The following B3GALT1 variants were observed in gnomAD, a reference collection of about 807,000 sequenced individuals.
B3GALT1 encodes UDP-Gal:betaGlcNAc beta 1,3-galactosyltransferase, polypeptide 1.
B3GALT1 carries 10 observed loss-of-function variants against 23.2 expected under a neutral mutation model. That is an observed-to-expected ratio of 0.43 (90% CI 0.27 to 0.73). The LOEUF (loss-of-function observed/expected upper bound fraction) is 0.73, where lower values mean the gene tolerates loss of function less well. B3GALT1 is among the 30% of genes least tolerant of loss of function. The probability of loss-of-function intolerance (pLI) is 0.21; values close to 1 mark genes in which losing one functional copy is unlikely to be tolerated. For missense variants in B3GALT1, 299 were observed against 405.4 expected, an observed-to-expected ratio of 0.74 and a Z score of 2.25; for synonymous variants, 156 against 141.5, an observed-to-expected ratio of 1.10 and a Z score of -0.73.
At chr2:167,333,931 A>G (rs1300945749) in intron 1 of B3GALT1, among the ~76,000 whole-genome samples, 1 of 151,962 alleles carries the variant, frequency 6.6e-6, no homozygotes, top group East Asian at 1.9e-4. Context: ...TAGGCTTAAG[A>G]AGCTTTTAAA....
At chr2:167,428,664 C>T (rs908376088) in intron 1 of B3GALT1, among the ~76,000 whole-genome samples, 31 of 151,742 alleles carry the variant, frequency 2.0e-4, no homozygotes, top group African/African-American at 6.5e-4. Context: ...GGTGACAGAG[C>T]GAGACTCCAT....
chr2:167,373,757 C>G, intron 1 of B3GALT1, among the ~76,000 whole-genome samples: 1 of 152,122 alleles, frequency 6.6e-6, no homozygotes, highest in South Asian at 2.1e-4. Context: ...TGGGGTTTCT[C>G]CATTTTGGCC....
At chr2:167,607,266 A>C (rs540416360) in intron 2 of B3GALT1, among the ~76,000 whole-genome samples, 163 of 152,336 alleles carry the variant, frequency 1.1e-3, no homozygotes, top group Admixed American at 2.0e-3. Flanking sequence ...TAGAAATGTA[A>C]TGCTATCGTT....
At chr2:167,452,376 C>A (rs761594305) in intron 1 of B3GALT1, among the ~76,000 whole-genome samples, 6 of 152,202 alleles carry the variant, frequency 3.9e-5, no homozygotes, top group Admixed American at 6.5e-5. Flanking sequence ...TCTCTTCCTG[C>A]TGCTTCTTCT....
intron 1 of B3GALT1, among the ~76,000 whole-genome samples, chr2:167,340,017 C>A (rs1444440859): frequency 6.6e-6 from 1 of 152,142 alleles, no homozygotes; most frequent in East Asian, 1.9e-4. Flanking sequence ...TTTTTCAACT[C>A]TGACATTTCA....
intron 3 of B3GALT1, among the ~76,000 whole-genome samples, chr2:167,671,398 A>G (rs938024437): frequency 3.9e-5 from 6 of 152,204 alleles, no homozygotes; most frequent in African/African-American, 1.2e-4. Flanking sequence ...TCCTGTTTAG[A>G]TCATATGTTG....
chr2:167,566,905 T>A (rs901673546), intron 2 of B3GALT1, among the ~76,000 whole-genome samples: 6 of 152,306 alleles, frequency 3.9e-5, no homozygotes, highest in South Asian at 4.1e-4. Context: ...AATTTTTGAA[T>A]CTTAGATCGT....
intron 3 of B3GALT1, among the ~76,000 whole-genome samples, chr2:167,699,325 G>A (rs1686837803): frequency 6.8e-6 from 1 of 148,050 alleles, no homozygotes; most frequent in African/African-American, 2.5e-5. Context: ...CCTTAAAGAA[G>A]TTGTTGCAGG....
At chr2:167,537,949 A>T (rs1241974628) in intron 2 of B3GALT1, among the ~76,000 whole-genome samples, 2 of 151,084 alleles carry the variant, frequency 1.3e-5, no homozygotes, top group African/African-American at 2.4e-5. Context: ...CAGCCTCCTG[A>T]GTAGCTGAGA....
chr2:167,453,816 G>C (rs1253132575), intron 1 of B3GALT1, among the ~76,000 whole-genome samples: 3 of 152,142 alleles, frequency 2.0e-5, no homozygotes, highest in Non-Finnish European at 4.4e-5. Context: ...TAGTGATCAG[G>C]ATTTCTTTGT....
intron 3 of B3GALT1, among the ~76,000 whole-genome samples, chr2:167,787,907 C>T (rs530886966): frequency 9.2e-5 from 14 of 152,272 alleles, no homozygotes; most frequent in East Asian, 7.7e-4. Flanking sequence ...AGACCTTGAA[C>T]GTGCCCCAAG....
chr2:167,821,889 G>C (rs550524768), intron 4 of B3GALT1, among the ~76,000 whole-genome samples: 1 of 152,282 alleles, frequency 6.6e-6, no homozygotes, highest in Admixed American at 6.5e-5. Context: ...ATTTTTATTT[G>C]AGATGAGTGA....
chr2:167,812,981 AC>A (rs1688920378), intron 3 of B3GALT1, among the ~76,000 whole-genome samples: 1 of 99,430 alleles, frequency 1.0e-5, no homozygotes, highest in African/African-American at 5.6e-5. Context: ...ACACACACGC[AC>A]CACCACCACC....
At chr2:167,629,540 C>A (rs1194433219) in intron 2 of B3GALT1, among the ~76,000 whole-genome samples, 1 of 151,610 alleles carries the variant, frequency 6.6e-6, no homozygotes, top group Non-Finnish European at 1.5e-5. Context: ...GATTCATTCT[C>A]TTCTGTCATA....
At chr2:167,776,522 AC>A (rs1411528428) in intron 3 of B3GALT1, among the ~76,000 whole-genome samples, 4 of 152,274 alleles carry the variant, frequency 2.6e-5, no homozygotes, top group African/African-American at 7.2e-5. Context: ...CGGAGTGCCG[AC>A]CCATGGCAGG....
At chr2:167,392,939 A>G (rs1019381271) in intron 1 of B3GALT1, among the ~76,000 whole-genome samples, 3 of 152,208 alleles carry the variant, frequency 2.0e-5, no homozygotes, top group Non-Finnish European at 4.4e-5. Context: ...AAAGTGTACC[A>G]TTAAGAAATG....
At chr2:167,448,227 T>C (rs1166105884) in intron 1 of B3GALT1, among the ~76,000 whole-genome samples, 1 of 152,218 alleles carries the variant, frequency 6.6e-6, no homozygotes, top group Non-Finnish European at 1.5e-5. Context: ...TGTACTAGTT[T>C]ACATTCCTAC....
At position 167,369,302 on chromosome 2, in the gene B3GALT1, T is replaced by C. The variant is rs549047196; in HGVS notation, c.-511+75968T>C. ...CCTCTTACTATCTCCATATTCAGAA[T>C]AGTGGCAATGAGCAAGTGGTAGAAT... On this transcript the variant is annotated intron_variant, in intron 1 of 4. Transcript: ENST00000392690. Among the ~76,000 whole-genome samples, 33 of 152,230 alleles carry C rather than the reference T, an allele frequency of 2.2e-4. No homozygotes were observed. The South Asian group carries it at 6.0e-3, about 28-fold the overall frequency.
chr2:167,439,632 C>T (rs1326695297), intron 1 of B3GALT1, among the ~76,000 whole-genome samples: 2 of 151,876 alleles, frequency 1.3e-5, no homozygotes, highest in Non-Finnish European at 2.9e-5. Flanking sequence ...TATACATGTG[C>T]CATGCTGGTG....
Sources: gnomAD v4.1 joint callset for allele counts (sites outside exome capture counted in the v4.1 genomes callset) on GRCh38, gnomAD v4.1.1 for gene constraint, MANE v1.5 for transcripts, NCBI Gene and HGNC (gene_info 2026-07-23, HGNC 2026-07-21) for gene names.